The following FUT9 variants were observed in gnomAD, a reference collection of about 807,000 sequenced individuals.
The protein encoded by FUT9 is fucosyltransferase 9.
FUT9 carries 15 observed loss-of-function variants against 29.7 expected under a neutral mutation model. The observed-to-expected ratio is 0.51, with a 90% CI of 0.34 to 0.78. The LOEUF (loss-of-function observed/expected upper bound fraction) is 0.78. FUT9 is among the 30% of genes least tolerant of loss of function. The pLI is 0.01. For missense variants in FUT9, 319 were observed against 425.4 expected (o/e 0.75, Z 2.20); for synonymous variants, 169 against 153.7 (o/e 1.10, Z -0.74).
intron 1 of FUT9, among the ~76,000 whole-genome samples, chr6:96,033,923 CAT>C (rs1770307307): frequency 1.3e-5 from 2 of 151,314 alleles, no homozygotes. Flanking sequence ...CACACACACA[CAT>C]ATTCATCCTA....
chr6:96,079,459 C>T (rs1161335625), intron 1 of FUT9, among the ~76,000 whole-genome samples: 2 of 152,192 alleles, frequency 1.3e-5, no homozygotes, highest in South Asian at 2.1e-4. Context: ...ATATTCCTCT[C>T]TGTTTCCCAT....
At chr6:96,097,531 ATAT>A (rs1230185022) in intron 1 of FUT9, among the ~76,000 whole-genome samples, 2 of 152,168 alleles carry the variant, frequency 1.3e-5, no homozygotes, top group East Asian at 3.9e-4. Flanking sequence ...TATGAGGTAG[ATAT>A]TATAGTCTGA....
intron 1 of FUT9, among the ~76,000 whole-genome samples, chr6:96,081,720 A>G (rs1771241406): frequency 6.6e-6 from 1 of 151,862 alleles, no homozygotes; most frequent in Non-Finnish European, 1.5e-5. Context: ...TGAGATTTCC[A>G]CATGTTCAAA....
At chr6:96,081,538 A>T (rs192306474) in intron 1 of FUT9, among the ~76,000 whole-genome samples, 1 of 151,968 alleles carries the variant, frequency 6.6e-6, no homozygotes, top group Non-Finnish European at 1.5e-5. Flanking sequence ...TATAAATTCT[A>T]ATATGGGTAA....
intron 1 of FUT9, among the ~76,000 whole-genome samples, chr6:96,096,471 T>G (rs570758728): frequency 8.5e-5 from 13 of 152,120 alleles, no homozygotes; most frequent in Non-Finnish European, 1.9e-4. Context: ...CCTCACTGAT[T>G]AAAATCTGGA....
chr6:96,176,279 T>A (rs914561196), intron 2 of FUT9, among the ~76,000 whole-genome samples: 1 of 152,116 alleles, frequency 6.6e-6, no homozygotes, highest in Non-Finnish European at 1.5e-5. Context: ...CTCTAGTTAA[T>A]CCCCTCCTAT....
At chr6:96,143,459 T>G (rs1772503399) in intron 2 of FUT9, among the ~76,000 whole-genome samples, 1 of 152,186 alleles carries the variant, frequency 6.6e-6, no homozygotes, top group African/African-American at 2.4e-5. Context: ...ATATGGTTCC[T>G]TCCTTCATTC....
intron 2 of FUT9, among the ~76,000 whole-genome samples, chr6:96,118,839 G>A (rs1771965050): frequency 6.6e-6 from 1 of 151,888 alleles, no homozygotes; most frequent in Admixed American, 6.6e-5. Context: ...AGGCTAAGGT[G>A]TGGGTTTGTA....
rs1476788645 is a variant in FUT9, at chr6:96,203,389, C to T, written c.234C>T (p.Asp78=). 1.2e-6 allele frequency: 2 copies of T among 1,611,310 alleles called. No individual in the cohort carries two copies. The highest frequency in any genetic ancestry group is 2.2e-5 in the East Asian group (1 of 44,828). Residue 78 remains aspartate (D), a synonymous_variant, in exon 3 of 3, where the codon GAC becomes GAT. Coordinates refer to ENST00000302103, the MANE Select transcript of FUT9 (RefSeq NM_006581.4). ...TGTGGCCATTTGGGCAGACCTTTGA[C>T]CTTACATCCTGCCAAGCAATGTTCA... ...VWVWPFGQTF[D]LTSCQAMFNI...
intron 1 of FUT9, among the ~76,000 whole-genome samples, chr6:96,092,346 G>T (rs192635446): frequency 1.1e-3 from 168 of 151,992 alleles, no homozygotes; most frequent in Non-Finnish European, 3.7e-4. Flanking sequence ...CAAAAATAAA[G>T]AAAAATCTAT....
chr6:96,081,130 TGAAA>T (rs1771230338), intron 1 of FUT9, among the ~76,000 whole-genome samples: 1 of 151,838 alleles, frequency 6.6e-6, no homozygotes, highest in South Asian at 2.1e-4. Flanking sequence ...AAATATTTCA[TGAAA>T]GAAACATAAA....
intron 1 of FUT9, among the ~76,000 whole-genome samples, chr6:96,041,943 T>C (rs1770468625): frequency 6.6e-6 from 1 of 152,238 alleles, no homozygotes; most frequent in African/African-American, 2.4e-5. Context: ...ATTTTTGTTC[T>C]CTCTCATGTT....
At position 96,027,340 on chromosome 6, in the gene FUT9, C is replaced by T. The variant is rs368551883; in HGVS notation, c.-98+11128C>T. On this transcript the variant is annotated intron_variant, in intron 1 of 2. Transcript: ENST00000302103. ...CTGCATTAGAAATTTCAAAGCATCT[C>T]GCCTTTCTTCTTTTTCAAAGAGGTA... is the stretch of plus-strand genomic sequence containing the variant. 7.2e-5 allele frequency among the ~76,000 whole-genome samples: 11 copies of T among 151,786 alleles called. No homozygotes were observed. In the South Asian group the frequency reaches 8.3e-4, roughly 11 times the overall value.
intron 1 of FUT9, among the ~76,000 whole-genome samples, chr6:96,083,191 G>A (rs1771265599): frequency 6.6e-6 from 1 of 151,970 alleles, no homozygotes; most frequent in African/African-American, 2.4e-5. Context: ...TGAATCACCA[G>A]TGTCTAAAAC....
intron 1 of FUT9, among the ~76,000 whole-genome samples, chr6:96,051,728 A>G (rs968579364): frequency 1.1e-4 from 16 of 152,060 alleles, no homozygotes; most frequent in African/African-American, 3.6e-4. Flanking sequence ...AATCAATATT[A>G]TATATTAAAT....
rs540869940 is a variant in FUT9 at position 96,202,754 on chromosome 6, T to A, written c.-8-394T>A. 7.2e-5 allele frequency among the ~76,000 whole-genome samples: 11 copies of A among 152,274 alleles called. No homozygotes were observed. In the East Asian group the frequency reaches 1.9e-3, roughly 27 times the overall value. ...CTCAATATGCGAGTAAATAAGTGAT[T>A]ATATCAACTGGGAGATGTTCACAAA... On this transcript the variant is annotated intron_variant, in intron 2 of 2. Coordinates refer to ENST00000302103, the MANE Select transcript of FUT9 (RefSeq NM_006581.4).
chr6:96,192,765 A>G (rs1422531839), intron 2 of FUT9, among the ~76,000 whole-genome samples: 3 of 152,138 alleles, frequency 2.0e-5, no homozygotes. Context: ...AGCCAAAAGA[A>G]CAAAGCTGGA....
intron 1 of FUT9, among the ~76,000 whole-genome samples, chr6:96,022,228 A>G (rs1465944713): frequency 6.6e-6 from 1 of 152,020 alleles, no homozygotes; most frequent in Non-Finnish European, 1.5e-5. Flanking sequence ...ATTCCTGCTG[A>G]CTTTCAAGGG....
At chr6:96,124,528 T>A (rs1772096490) in intron 2 of FUT9, among the ~76,000 whole-genome samples, 1 of 151,974 alleles carries the variant, frequency 6.6e-6, no homozygotes, top group Admixed American at 6.6e-5. Flanking sequence ...TTTGTTTCAT[T>A]TTTTTGCATT....
Sources: allele counts gnomAD v4.1 joint callset (sites outside exome capture counted in the v4.1 genomes callset), GRCh38; gene constraint gnomAD v4.1.1; transcripts MANE v1.5; gene names NCBI Gene and HGNC (gene_info 2026-07-23, HGNC 2026-07-21).